PTPRN2: variants seen among roughly 807,000 people sequenced by gnomAD.
PTPRN2 encodes the protein receptor-type tyrosine-protein phosphatase N2.
Under a neutral mutation model 118.8 loss-of-function variants are expected in PTPRN2, and 74 were observed. The ratio of observed to expected loss-of-function variants is 0.62; its 90% CI spans 0.52 to 0.76. PTPRN2 has a LOEUF of 0.76. PTPRN2 is among the 30% of genes least tolerant of loss of function. The probability of loss-of-function intolerance (pLI) is 0.00; values close to 1 mark genes in which losing one functional copy is unlikely to be tolerated. For synonymous variants in PTPRN2, 641 were observed against 608.0 expected (o/e 1.05, Z -0.80); for missense variants, 1,481 against 1,394.4 (o/e 1.06, Z -0.99).
intron 17 of PTPRN2, among the ~76,000 whole-genome samples, chr7:157,582,966 C>G (rs1336248169): frequency 6.6e-6 from 1 of 152,050 alleles, no homozygotes; most frequent in African/African-American, 2.4e-5. Context: ...AGCAATCCCA[C>G]TTCTGGGTAT....
chr7:158,231,594 A>G lies in PTPRN2; in HGVS notation c.278-26321T>C, dbSNP rs182625403. Among the ~76,000 whole-genome samples, 65 of 152,342 alleles carry G rather than the reference A, an allele frequency of 4.3e-4. 1 individual carries two copies. Among genetic ancestry groups the G allele is most frequent in the Admixed American group, 3.5e-3 (54 of 15,306 alleles). On this transcript the variant is annotated intron_variant, in intron 3 of 22. Coordinates refer to ENST00000389418, the MANE Select transcript of PTPRN2 (RefSeq NM_002847.5). ...GGCAAGAAATCAACAAAGAAACTTT[A>G]GAGTTAAACTATACACTACACCAAA...
At chr7:158,571,796 T>C (rs1828061159) in intron 1 of PTPRN2, among the ~76,000 whole-genome samples, 1 of 152,174 alleles carries the variant, frequency 6.6e-6, no homozygotes. Flanking sequence ...TTTCCATTTC[T>C]TGGCAAAAAT....
chr7:158,423,967 G>A (rs944194060), intron 2 of PTPRN2, among the ~76,000 whole-genome samples: 2 of 152,132 alleles, frequency 1.3e-5, no homozygotes, highest in African/African-American at 4.8e-5. Flanking sequence ...CCCCTCTAAG[G>A]TGGTAATTAC....
At chr7:158,280,141 T>C (rs11971070) in intron 3 of PTPRN2, among the ~76,000 whole-genome samples, 40,876 of 152,128 alleles carry the variant, frequency 0.27, 6,023 homozygotes, top group African/African-American at 0.39. Context: ...AATCATTGTT[T>C]CACAGACCGC....
chr7:157,753,076 C>T lies in PTPRN2; in HGVS notation c.1789-70139G>A, dbSNP rs145622832. ...CTAACTGGGAGGAAAGGCGGGGTGTCGGCACAGGCACCCTCTCCAGGCCTG... is the reference window on the plus strand; with the variant it reads ...CTAACTGGGAGGAAAGGCGGGGTGTTGGCACAGGCACCCTCTCCAGGCCTG... On this transcript the variant is annotated intron_variant, in intron 12 of 22. Coordinates refer to ENST00000389418, the MANE Select transcript of PTPRN2 (RefSeq NM_002847.5). Among the ~76,000 whole-genome samples, 59 of 152,326 alleles carry T rather than the reference C, an allele frequency of 3.9e-4. No individual in the cohort carries two copies. The East Asian group carries it at 7.1e-3, about 18-fold the overall frequency.
At chr7:157,660,073 T>A (rs1009514046) in intron 13 of PTPRN2, among the ~76,000 whole-genome samples, 1 of 152,130 alleles carries the variant, frequency 6.6e-6, no homozygotes, top group Non-Finnish European at 1.5e-5. Flanking sequence ...ATTGTGCACA[T>A]GAATTTTGCT....
At chr7:158,537,535 A>G (rs1385883177) in intron 1 of PTPRN2, 1 of 152,366 alleles carries the variant, frequency 6.6e-6, no homozygotes, top group Non-Finnish European at 1.5e-5. Context: ...CTCCTGCCTC[A>G]GAACAGGGAA....
intron 6 of PTPRN2, among the ~76,000 whole-genome samples, chr7:158,142,484 T>C (rs1271148160): frequency 6.6e-6 from 1 of 152,228 alleles, no homozygotes; most frequent in Non-Finnish European, 1.5e-5. Flanking sequence ...TCTCTCGGGC[T>C]TGCCGTCCTA....
In PTPRN2 at chr7:158,377,019, C is replaced by T. The variant is rs13238737; in HGVS notation, c.164-60087G>A. On this transcript the variant is annotated intron_variant, in intron 2 of 22. Coordinates refer to ENST00000389418, the MANE Select transcript of PTPRN2 (RefSeq NM_002847.5). Reference sequence around the variant, plus strand: ...CACAGCCCTGTCACATGTCCTGAGACGGGGGTCAGGGGACTCCCCCACAGC... The same window carrying T: ...CACAGCCCTGTCACATGTCCTGAGATGGGGGTCAGGGGACTCCCCCACAGC... Among the ~76,000 whole-genome samples, 8 of 93,670 alleles carry T rather than the reference C, an allele frequency of 8.5e-5. No homozygotes were observed. In the South Asian group the frequency reaches 2.9e-3, roughly 34 times the overall value. The allele number at this position is 93,670 out of a possible 152,430, so 61.5% of individuals were successfully genotyped here. A position where few individuals can be genotyped will look rare whatever the true frequency, so the allele number is the denominator to read the frequency against.
In PTPRN2 at chr7:157,800,681, G is replaced by A. The variant is rs533240752; in HGVS notation, c.1788+97992C>T. Among the ~76,000 whole-genome samples, 12 of 152,154 alleles carry A rather than the reference G, an allele frequency of 7.9e-5. No individual in the cohort carries two copies. The South Asian group carries it at 1.2e-3, about 16-fold the overall frequency. On this transcript the variant is annotated intron_variant, in intron 12 of 22. Coordinates refer to ENST00000389418, the MANE Select transcript of PTPRN2 (RefSeq NM_002847.5). Reference sequence around the variant, plus strand: ...TAAAATATGAATACCTGCCGGGTGCGGTGGCTCAGGCCTGTAATCCCAGCA... The same window carrying A: ...TAAAATATGAATACCTGCCGGGTGCAGTGGCTCAGGCCTGTAATCCCAGCA...
chr7:157,708,451 T>C (rs1285993455), intron 12 of PTPRN2, among the ~76,000 whole-genome samples: 1 of 152,116 alleles, frequency 6.6e-6, no homozygotes, highest in African/African-American at 2.4e-5. Context: ...CAGATCATCC[T>C]AAAGGTTGGG....
chr7:158,537,226 TTG>T (rs1825698106), intron 1 of PTPRN2, among the ~76,000 whole-genome samples: 1 of 142,844 alleles, frequency 7.0e-6, no homozygotes, highest in Admixed American at 7.4e-5. Context: ...TGCAGCATAT[TTG>T]TTATAGCATC....
At chr7:157,923,026 T>G (rs1168317584) in intron 11 of PTPRN2, among the ~76,000 whole-genome samples, 1 of 152,236 alleles carries the variant, frequency 6.6e-6, no homozygotes, top group Non-Finnish European at 1.5e-5. Flanking sequence ...CCCCAGAGGC[T>G]GTTTACTCAG....
At chr7:157,771,870 G>A (rs1802843834) in intron 12 of PTPRN2, among the ~76,000 whole-genome samples, 1 of 143,544 alleles carries the variant, frequency 7.0e-6, no homozygotes, top group African/African-American at 2.6e-5. Flanking sequence ...GGAGACACAG[G>A]CACACATGAA....
chr7:158,201,324 G>A lies in PTPRN2; in HGVS notation c.380+3847C>T, dbSNP rs145739388. Among the ~76,000 whole-genome samples, 8 of 152,248 alleles carry A rather than the reference G, an allele frequency of 5.3e-5. No homozygotes were observed. In the East Asian group the frequency reaches 1.5e-3, roughly 29 times the overall value. ...CTCTTGTCCAAATTCCTATCTAAGA[G>A]GTCTGGGAAGTCATACCCCACAAAC... On this transcript the variant is annotated intron_variant, in intron 4 of 22. Coordinates refer to ENST00000389418, the MANE Select transcript of PTPRN2 (RefSeq NM_002847.5).
At chr7:158,363,775 G>A (rs1330893165) in intron 2 of PTPRN2, among the ~76,000 whole-genome samples, 1 of 152,220 alleles carries the variant, frequency 6.6e-6, no homozygotes, top group African/African-American at 2.4e-5. Context: ...CTGGCCTGCA[G>A]CTCAGGAACC....
chr7:158,142,376 C>T (rs114789529), intron 6 of PTPRN2, among the ~76,000 whole-genome samples: 9,678 of 152,320 alleles, frequency 0.064, 313 homozygotes, highest in South Asian at 0.11. Context: ...TCCGGACTGA[C>T]GCTGGCGCAT....
chr7:158,180,645 A>C (rs1011183465), intron 5 of PTPRN2, among the ~76,000 whole-genome samples: 2 of 152,302 alleles, frequency 1.3e-5, no homozygotes, highest in African/African-American at 4.8e-5. Context: ...CTCTGTATAG[A>C]GATCTTTCAC....
chr7:158,279,448 C>T lies in PTPRN2; in HGVS notation c.277+37371G>A, dbSNP rs563204013. On this transcript the variant is annotated intron_variant, in intron 3 of 22. Transcript: ENST00000389418. ...CTGCAGGACTTTGTGGCCCCTAGCC[C>T]GGGCACTCCAGGCAGCCCAATGGGA... 2.0e-5 allele frequency among the ~76,000 whole-genome samples: 3 copies of T among 152,264 alleles called. No individual in the cohort carries two copies. In the East Asian group the frequency reaches 5.8e-4, roughly 29 times the overall value.
Sources: gnomAD v4.1 joint callset for allele counts (sites outside exome capture counted in the v4.1 genomes callset) on GRCh38, gnomAD v4.1.1 for gene constraint, MANE v1.5 for transcripts, NCBI Gene and HGNC (gene_info 2026-07-23, HGNC 2026-07-21) for gene names.